Variants in PANK4 observed in about 807,000 individuals in gnomAD.
PANK4 encodes the protein 4'-phosphopantetheine phosphatase.
A neutral mutation model predicts 87.9 loss-of-function variants in PANK4; 40 were observed. The observed-to-expected ratio is 0.46, with a 90% CI of 0.35 to 0.59. PANK4 has a LOEUF of 0.59. PANK4 is among the 20% of genes least tolerant of loss of function. The pLI, the probability that PANK4 is intolerant of heterozygous loss-of-function variation, is 0.00. For missense variants in PANK4, 926 were observed against 1,072.3 expected, an observed-to-expected ratio of 0.86 and a Z score of 1.90; for synonymous variants, 524 against 467.4, an observed-to-expected ratio of 1.12 and a Z score of -1.56.
At position 2,508,837 on chromosome 1, in the gene PANK4, C is replaced by T. The variant is rs913981114; in HGVS notation, c.*10G>A. 6.6e-6 allele frequency: 10 copies of T among 1,512,944 alleles called. No individual in the cohort carries two copies. In the Admixed American group the frequency reaches 1.8e-4, roughly 27 times the overall value. The allele number at this position is 1,512,944 out of a possible 1,614,324, so 93.7% of individuals were successfully genotyped here. On this transcript the variant is annotated 3_prime_UTR_variant, in exon 19 of 19. Coordinates refer to ENST00000378466, the MANE Select transcript of PANK4 (RefSeq NM_018216.4). This position sits in a 1 kb window ranked among gnomAD's most constrained non-coding sequence, Gnocchi z 5.1. ...AGTGACAAGCAGAAGAGTCCGGCAGCTGCAGCGCCTCACTCGGCTGGGACC... is the reference window on the plus strand; with the variant it reads ...AGTGACAAGCAGAAGAGTCCGGCAGTTGCAGCGCCTCACTCGGCTGGGACC...
intron 1 of PANK4, 53 bp downstream of exon 1, chr1:2,526,411 C>T: frequency 4.0e-6 from 4 of 1,012,478 alleles, no homozygotes; most frequent in African/African-American, 1.7e-5. Flanking sequence ...CGGCCCACCG[C>T]CGGCGCCCCG....
chr1:2,515,841 G>A lies in PANK4; in HGVS notation c.1219-124C>T. ...TACTGCCTTCTTCCGCCACGTCTCTGGGCCACAGACGAGACCCCCACTGGG... is the reference window on the plus strand; with the variant it reads ...TACTGCCTTCTTCCGCCACGTCTCTAGGCCACAGACGAGACCCCCACTGGG... On this transcript the variant is annotated intron_variant, in intron 9 of 18. Transcript: ENST00000378466. The surrounding 1 kb of genome is among the most constrained non-coding windows in gnomAD (Gnocchi z 5.0). The A allele has an allele frequency of 9.9e-6, 10 of 1,011,660 alleles. 1 individual carries two copies. In the South Asian group the frequency reaches 1.4e-4, roughly 14 times the overall value. The allele number at this position is 1,011,660 out of a possible 1,614,324, so 62.7% of individuals were successfully genotyped here. A position where few individuals can be genotyped will look rare whatever the true frequency, so the allele number is the denominator to read the frequency against.
In PANK4 at chr1:2,515,354, C is replaced by T. The variant is rs528946609; in HGVS notation, c.1374+208G>A. The T allele has an allele frequency of 3.3e-5, 23 of 702,756 alleles. No homozygotes were observed. Among genetic ancestry groups the T allele is most frequent in the East Asian group, 1.3e-4 (5 of 37,166 alleles). The allele number at this position is 702,756 out of a possible 1,614,324, so 43.5% of individuals were successfully genotyped here. A position where few individuals can be genotyped will look rare whatever the true frequency, so the allele number is the denominator to read the frequency against. ...CCTTAGAAGCAACGTGCCTCGCAGA[C>T]GCCACGTCCTCACTGACCCACCAGG... is the stretch of plus-strand genomic sequence containing the variant. On this transcript the variant is annotated intron_variant, in intron 10 of 18. Transcript: ENST00000378466. This position sits in a 1 kb window ranked among gnomAD's most constrained non-coding sequence, Gnocchi z 5.0.
Position 2,509,806 on chromosome 1 carries a change from G to A in PANK4, c.2108+56C>T, listed in dbSNP as rs937372122. ...CGCATGCACCTGGGTGCAGGTGCACGGCACAGAGGGCACAGAGCCCAGGAG... is the reference window on the plus strand; with the variant it reads ...CGCATGCACCTGGGTGCAGGTGCACAGCACAGAGGGCACAGAGCCCAGGAG... On this transcript the variant is annotated intron_variant, in intron 18 of 18. Coordinates refer to ENST00000378466, the MANE Select transcript of PANK4 (RefSeq NM_018216.4). The surrounding 1 kb of genome is among the most constrained non-coding windows in gnomAD (Gnocchi z 4.9). 1.9e-5 allele frequency: 28 copies of A among 1,499,420 alleles called. No homozygotes were observed. In the African/African-American group the frequency reaches 1.9e-4, roughly 10 times the overall value. 92.9% of individuals were successfully genotyped at this position (1,499,420 alleles called of 1,614,324 possible). A position where few individuals can be genotyped will look rare whatever the true frequency, so the allele number is the denominator to read the frequency against.
intron 9 of PANK4, among the ~76,000 whole-genome samples, chr1:2,517,802 T>G (rs978552427): frequency 6.6e-6 from 1 of 152,212 alleles, no homozygotes; most frequent in Non-Finnish European, 1.5e-5. Context: ...GGGCCCTGGG[T>G]GGCTCCTGCG....
chr1:2,516,477 C>T (rs1028500956), intron 9 of PANK4, among the ~76,000 whole-genome samples: 1 of 152,306 alleles, frequency 6.6e-6, no homozygotes, highest in East Asian at 1.9e-4. Context: ...GCACGCTCAC[C>T]GCAGCAGCCG....
At position 2,509,987 on chromosome 1, in the gene PANK4, C is replaced by T. The variant is rs1019063883; in HGVS notation, c.2040-57G>A. ...GAGCTCCCAGTTCAGTGACAATCCC[C>T]ATGGCCCACTCTGCCCAGCTGGTGC... On this transcript the variant is annotated intron_variant, in intron 17 of 18. Transcript: ENST00000378466. This position sits in a 1 kb window ranked among gnomAD's most constrained non-coding sequence, Gnocchi z 4.9. 3 of 1,583,524 alleles carry T rather than the reference C, an allele frequency of 1.9e-6. No individual in the cohort carries two copies. Among genetic ancestry groups the T allele is most frequent in the South Asian group, 1.1e-5 (1 of 88,566 alleles).
At chr1:2,513,376 G>A (rs369122135) in intron 12 of PANK4, among the ~76,000 whole-genome samples, 11 of 152,292 alleles carry the variant, frequency 7.2e-5, no homozygotes, top group South Asian at 4.1e-4. Flanking sequence ...AAGGCTCGGC[G>A]TGTGAGGGGA....
In PANK4 at chr1:2,519,012, G is replaced by A. The variant is rs893412673; in HGVS notation, c.1035+131C>T. 8 of 812,170 alleles carry A rather than the reference G, an allele frequency of 9.9e-6. No homozygotes were observed. The highest frequency in any genetic ancestry group is 1.7e-5 in the African/African-American group (1 of 58,416). The allele number at this position is 812,170 out of a possible 1,614,324, so 50.3% of individuals were successfully genotyped here. A position where few individuals can be genotyped will look rare whatever the true frequency, so the allele number is the denominator to read the frequency against. ...GCTGCCCAGAATCAGTCAGAAGGGA[G>A]GGGTGCTGGGCTTCTTGGCCCCCAC... On this transcript the variant is annotated intron_variant, in intron 7 of 18. Transcript: ENST00000378466. This position sits in a 1 kb window ranked among gnomAD's most constrained non-coding sequence, Gnocchi z 8.3.
At chr1:2,522,034 T>C in intron 1 of PANK4, 1 of 563,188 alleles carries the variant, frequency 1.8e-6, no homozygotes, top group South Asian at 2.2e-5. Context: ...CTGGCCAAAC[T>C]GAGCTCAAGA....
rs1232564453 is a variant in PANK4 at position 2,521,820 on chromosome 1, C to T, written c.125-20G>A. On this transcript the variant is annotated intron_variant, in intron 1 of 18. Transcript: ENST00000378466. The stretch of plus-strand genomic sequence containing the variant: ...ACCCGCCTGCAGGGGAGACACAAAC[C>T]GGGCAGGATTCAGGACCAGGACACA... 5.0e-6 allele frequency: 8 copies of T among 1,605,700 alleles called. No homozygotes were observed. The highest frequency in any genetic ancestry group is 6.0e-6 in the Non-Finnish European group (7 of 1,172,630).
rs763837026 is a variant in PANK4 at position 2,521,741 on chromosome 1, G to A, written c.184C>T (p.Arg62Trp). 3 of 1,613,924 alleles carry A rather than the reference G, an allele frequency of 1.9e-6. No individual in the cohort carries two copies. Among genetic ancestry groups the A allele is most frequent in the South Asian group, 2.2e-5 (2 of 91,082 alleles). ...STVQHKVAKV[R>W]SFDHSGKDTE... ...ACCTTTCCGGAGTGGTCGAAAGACC[G>A]CACCTTGGCGACTTTGTGCTGTACC... The change falls in exon 2 of 19, where the codon CGG becomes TGG. Residue 62 changes from arginine to tryptophan, a missense_variant. Physicochemically the swap from Arg to Trp is moderately radical, Grantham distance 101 (BLOSUM62 -3). Transcript: ENST00000378466.
At position 2,519,031 on chromosome 1, in the gene PANK4, C is replaced by G; in HGVS notation, c.1035+112G>C. The G allele has an allele frequency of 9.7e-7, 1 of 1,028,178 alleles. No individual in the cohort carries two copies. The highest frequency in any genetic ancestry group is 1.5e-5 in the South Asian group (1 of 65,434). The allele number at this position is 1,028,178 out of a possible 1,614,324, so 63.7% of individuals were successfully genotyped here. ...AAGGGAGGGGTGCTGGGCTTCTTGG[C>G]CCCCACCCTCCAGGCCTCCCTGGGG... On this transcript the variant is annotated intron_variant, in intron 7 of 18. Coordinates refer to ENST00000378466, the MANE Select transcript of PANK4 (RefSeq NM_018216.4). The surrounding 1 kb of genome is among the most constrained non-coding windows in gnomAD (Gnocchi z 8.3).
At position 2,510,966 on chromosome 1, in the gene PANK4, C is replaced by T. The variant is rs530691447; in HGVS notation, c.1834-184G>A. ...AGGGGCTTCAGGGCCCCAGAGGTGC[C>T]GGGACTGGGCTGGGCTGCAGGGGCT... is the stretch of plus-strand genomic sequence containing the variant. On this transcript the variant is annotated intron_variant, in intron 15 of 18. Transcript: ENST00000378466. This position sits in a 1 kb window ranked among gnomAD's most constrained non-coding sequence, Gnocchi z 4.9. 1.6e-3 allele frequency among the ~76,000 whole-genome samples: 237 copies of T among 152,148 alleles called. No individual in the cohort carries two copies. The highest frequency in any genetic ancestry group is 2.8e-3 in the Non-Finnish European group (193 of 67,984).
intron 15 of PANK4, 28 bp downstream of exon 15, chr1:2,511,310 A>G (rs999470410): frequency 3.8e-6 from 6 of 1,563,182 alleles, no homozygotes; most frequent in South Asian, 1.1e-5. Context: ...TGTCCCCAGC[A>G]GCAGAGGTGG....
Position 2,520,546 on chromosome 1 carries a change from G to T in PANK4, c.607-132C>A. The T allele has an allele frequency of 9.8e-7, 1 of 1,020,714 alleles. No individual in the cohort carries two copies. Among genetic ancestry groups the T allele is most frequent in the Non-Finnish European group, 1.5e-6 (1 of 688,528 alleles). The allele number at this position is 1,020,714 out of a possible 1,614,324, so 63.2% of individuals were successfully genotyped here. A position where few individuals can be genotyped will look rare whatever the true frequency, so the allele number is the denominator to read the frequency against. On this transcript the variant is annotated intron_variant, in intron 4 of 18. Coordinates refer to ENST00000378466, the MANE Select transcript of PANK4 (RefSeq NM_018216.4). The surrounding 1 kb of genome is among the most constrained non-coding windows in gnomAD (Gnocchi z 6.2). Reference sequence around the variant, plus strand: ...AACCGCCAGTGGGAGGACTCTCATGGCCAAGCCTGGGGGCGCTGATGCCCC... The same window carrying T: ...AACCGCCAGTGGGAGGACTCTCATGTCCAAGCCTGGGGGCGCTGATGCCCC...
intron 7 of PANK4, 111 bp from the exon 8 acceptor site, chr1:2,518,708 G>A (rs1482622230): frequency 1.1e-6 from 1 of 876,146 alleles, no homozygotes; most frequent in Non-Finnish European, 1.8e-6. Flanking sequence ...AACCCTCGAA[G>A]AGGCGCCATG....
At chr1:2,516,376 C>T (rs146159587) in intron 9 of PANK4, among the ~76,000 whole-genome samples, 1,642 of 152,342 alleles carry the variant, frequency 0.011, 57 homozygotes, top group Admixed American at 0.069. Flanking sequence ...CCAGCACAGG[C>T]GCGCTCACGG....
intron 3 of PANK4, 42 bp downstream of exon 3, chr1:2,521,059 G>GCAGACAC (rs1643870960): frequency 6.4e-7 from 1 of 1,567,008 alleles, no homozygotes; most frequent in East Asian, 2.2e-5. Context: ...GGACTCGGGG[G>GCAGACAC]CAGACACATG....
Sources: allele counts gnomAD v4.1 joint callset (sites outside exome capture counted in the v4.1 genomes callset), GRCh38; gene constraint gnomAD v4.1.1; non-coding constraint Gnocchi (gnomAD v3.1); transcripts MANE v1.5; gene names NCBI Gene and HGNC (gene_info 2026-07-23, HGNC 2026-07-21).